Variants in CHRNE observed in about 807,000 individuals in gnomAD.
CHRNE encodes acetylcholine receptor subunit epsilon.
A neutral mutation model predicts 56.5 loss-of-function variants in CHRNE; 58 were observed. The observed-to-expected ratio is 1.03, with a 90% CI of 0.83 to 1.28. The LOEUF (loss-of-function observed/expected upper bound fraction) is 1.28, where lower values mean the gene tolerates loss of function less well. CHRNE is among the 50% of genes most tolerant of loss of function. The probability of loss-of-function intolerance (pLI) is 0.00; values close to 1 mark genes in which losing one functional copy is unlikely to be tolerated. For synonymous variants in CHRNE, 385 were observed against 297.9 expected, an observed-to-expected ratio of 1.29 and a Z score of -3.01; for missense variants, 793 against 688.9, an observed-to-expected ratio of 1.15 and a Z score of -1.69.
At position 4,901,159 on chromosome 17, in the gene CHRNE, C is replaced by T. The variant is rs770306808; in HGVS notation, c.633G>A (p.Pro211=). 1 of 1,609,316 alleles carries T rather than the reference C, an allele frequency of 6.2e-7. No homozygotes were observed. ...ENGEWAIDFC[P]GVIRRHHGGA... ...CACCGTGGTGGCGGCGGATCACCCC[C>T]GGGCAGAAGTCGATGGCCCACTCGC... is the stretch of plus-strand genomic sequence containing the variant. The change falls in exon 7 of 12, where the codon CCG becomes CCA. Residue 211 remains proline, a synonymous_variant. Coordinates refer to ENST00000649488, the MANE Select transcript of CHRNE (RefSeq NM_000080.4).
At chr17:4,907,635 A>C (rs1169041686), upstream of CHRNE, among the ~76,000 whole-genome samples, 2 of 151,030 alleles carry the variant, frequency 1.3e-5, no homozygotes, top group East Asian at 3.9e-4. Flanking sequence ...AAGTAGTTTC[A>C]CTCAGGTCTG....
At chr17:4,899,663 C>T (rs1567637220) in intron 8 of CHRNE, 81 bp from the exon 9 acceptor site, 3 of 1,445,012 alleles carry the variant, frequency 2.1e-6, no homozygotes, top group Non-Finnish European at 2.9e-6. Flanking sequence ...ACAAACACGG[C>T]TTCTCCTGGT....
At chr17:4,903,140 G>T, upstream of CHRNE, 2 of 1,455,572 alleles carry the variant, frequency 1.4e-6, no homozygotes, top group South Asian at 1.2e-5. Context: ...TGTGTGAGGG[G>T]GAGGAGGGTG....
In CHRNE at chr17:4,899,225, G is replaced by A. The variant is rs771486772; in HGVS notation, c.1192C>T (p.Gln398Ter). ...KPRSELVFEG[Q>*]RHRQGTWTAA... is the part of the protein sequence containing the mutation. ...GTCCAGGTCCCCTGCCGGTGCCTCT[G>A]CCCCTCAAACACGAGCTCGCTCCGT... Residue 398 changes from glutamine (Q) to a stop codon, truncating the protein, a stop_gained, in exon 10 of 12, where the codon CAG (glutamine) becomes TAG (stop). Coordinates refer to ENST00000649488, the MANE Select transcript of CHRNE (RefSeq NM_000080.4). LOFTEE classifies it high-confidence loss of function. 7 of 1,606,928 alleles carry A rather than the reference G, an allele frequency of 4.4e-6. No homozygotes were observed. Among genetic ancestry groups the A allele is most frequent in the South Asian group, 1.1e-5 (1 of 90,660 alleles).
At position 4,902,176 on chromosome 17, in the gene CHRNE, G is replaced by T; in HGVS notation, c.344+41C>A. On this transcript the variant is annotated intron_variant, in intron 4 of 11. Transcript: ENST00000649488. The surrounding 1 kb of genome is among the most constrained non-coding windows in gnomAD (Gnocchi z 4.0). The stretch of plus-strand genomic sequence containing the variant: ...CCAACCAAGTCCAGCCCGCACCCCA[G>T]GCCGGCTTCCCTCCAGCCTGGCGTC... 6.2e-7 allele frequency: 1 copy of T among 1,613,656 alleles called. No individual in the cohort carries two copies. The highest frequency in any genetic ancestry group is 8.5e-7 in the Non-Finnish European group (1 of 1,179,588).
Position 4,898,962 on chromosome 17 carries a change from CCT to C in CHRNE, c.1326+37_1326+38del, listed in dbSNP as rs753435292. On this transcript the variant is annotated intron_variant, in intron 11 of 11. Transcript: ENST00000649488. ...CAGCGGCATGGGAGACAGTGGTGGG[CCT>C]CTGCCTCGCTCCACCCGCCTCTGGC... is the stretch of plus-strand genomic sequence containing the variant. 3.9e-6 allele frequency: 5 copies of C among 1,271,832 alleles called. No homozygotes were observed. In the South Asian group the frequency reaches 1.3e-4, roughly 33 times the overall value. The allele number at this position is 1,271,832 out of a possible 1,614,324, so 78.8% of individuals were successfully genotyped here.
upstream of CHRNE, among the ~76,000 whole-genome samples, chr17:4,905,471 G>A (rs752925222): frequency 6.6e-6 from 1 of 151,918 alleles, no homozygotes; most frequent in African/African-American, 2.4e-5. Flanking sequence ...AGGCTGAGGC[G>A]GGAGGATTGC....
chr17:4,902,106 C>G lies in CHRNE; in HGVS notation c.345-19G>C, dbSNP rs201555272. On this transcript the variant is annotated intron_variant, in intron 4 of 11. Coordinates refer to ENST00000649488, the MANE Select transcript of CHRNE (RefSeq NM_000080.4). The surrounding 1 kb of genome is among the most constrained non-coding windows in gnomAD (Gnocchi z 4.0). ...ATCAATACTGTGGGCTCGGGGAAAC[C>G]GAGCTTTTTGCACAGGTCTGCACCC... 3 of 1,613,982 alleles carry G rather than the reference C, an allele frequency of 1.9e-6. No individual in the cohort carries two copies. In the Admixed American group the frequency reaches 5.0e-5, roughly 27 times the overall value.
Position 4,901,943 on chromosome 17 carries a change from C to A in CHRNE, c.489G>T (p.Ser163=). 1 of 1,606,880 alleles carries A rather than the reference C, an allele frequency of 6.2e-7. No individual in the cohort carries two copies. The stretch of plus-strand genomic sequence containing the variant: ...GTAGCTCTTCCCACCGGAAAATAAG[C>A]GAACAGTTCTGCCAATCGAAGGGGA... ...TYFPFDWQNC[S]LIFRSQTYNA... Residue 163 remains serine, a synonymous_variant, in exon 5 of 12, where the codon TCG becomes TCT. Coordinates refer to ENST00000649488, the MANE Select transcript of CHRNE (RefSeq NM_000080.4).
chr17:4,900,066 C>T, intron 8 of CHRNE: 1 of 1,551,186 alleles, frequency 6.4e-7, no homozygotes, highest in Non-Finnish European at 8.7e-7. Flanking sequence ...GGGATGCTGC[C>T]TGCCCCGAAG....
intron 1 of CHRNE, among the ~76,000 whole-genome samples, chr17:4,908,112 G>C (rs1353130319): frequency 6.6e-6 from 1 of 151,964 alleles, no homozygotes; most frequent in African/African-American, 2.4e-5. Context: ...CAGAGGTTGC[G>C]GTGAGCCTAG....
intron 11 of CHRNE, 50 bp downstream of exon 11, chr17:4,898,951 A>C: frequency 6.4e-7 from 1 of 1,562,728 alleles, no homozygotes; most frequent in Non-Finnish European, 8.7e-7. Flanking sequence ...GGCATGGGAG[A>C]CAGTGGTGGG....
chr17:4,908,561 T>C, intron 1 of CHRNE, among the ~76,000 whole-genome samples: 1 of 152,210 alleles, frequency 6.6e-6, no homozygotes, highest in East Asian at 1.9e-4. Flanking sequence ...CCTCGGGGGC[T>C]GAGACTTCCT....
rs1385171102 is a variant in CHRNE at position 4,900,625 on chromosome 17, TGAG to T, written c.917+165_917+167del. On this transcript the variant is annotated intron_variant, in intron 8 of 11. Transcript: ENST00000649488. ...ACCTCCAGGTGACGTCCAGCAGCAG[TGAG>T]GAGGACGGCGGACCAGGGACTCCAT... The T allele has an allele frequency of 4.7e-6, 7 of 1,501,504 alleles. No homozygotes were observed. The Admixed American group carries it at 9.9e-5, about 21-fold the overall frequency. 93.0% of individuals were successfully genotyped at this position (1,501,504 alleles called of 1,614,324 possible).
In CHRNE at chr17:4,901,675, C is replaced by T. The variant is rs566330502; in HGVS notation, c.501-50G>A. 9.7e-6 allele frequency: 15 copies of T among 1,540,334 alleles called. No individual in the cohort carries two copies. The East Asian group carries it at 2.0e-4, about 21-fold the overall frequency. On this transcript the variant is annotated intron_variant, in intron 5 of 11. Transcript: ENST00000649488. Reference sequence around the variant, plus strand: ...ACCCCAGAAGCTCTGACCTGGGCCCCGGCCTCAGGCCCAGCCCTGGAAGCT... The same window carrying T: ...ACCCCAGAAGCTCTGACCTGGGCCCTGGCCTCAGGCCCAGCCCTGGAAGCT...
At position 4,901,333 on chromosome 17, in the gene CHRNE, C is replaced by A. The variant is rs2151097597; in HGVS notation, c.602-143G>T. 1.3e-5 allele frequency: 13 copies of A among 1,010,040 alleles called. No homozygotes were observed. In the South Asian group the frequency reaches 1.8e-4, roughly 14 times the overall value. 62.6% of individuals were successfully genotyped at this position (1,010,040 alleles called of 1,614,324 possible). A position where few individuals can be genotyped will look rare whatever the true frequency, so the allele number is the denominator to read the frequency against. ...GCAATTACGGACAGAAAAGGGCATT[C>A]TCGTTGAGGGTATGGAAAGCCAGAA... On this transcript the variant is annotated intron_variant, in intron 6 of 11. Coordinates refer to ENST00000649488, the MANE Select transcript of CHRNE (RefSeq NM_000080.4).
rs1969717491 is a variant in CHRNE, at chr17:4,897,823, G to A, written c.*913C>T. On this transcript the variant is annotated 3_prime_UTR_variant, in exon 12 of 12. Coordinates refer to ENST00000649488, the MANE Select transcript of CHRNE (RefSeq NM_000080.4). ...CTTCCCCCAAACTCCAGGGAATGGAGGGGGGACCCCGCCAGCCAAAACATT... is the reference window on the plus strand; with the variant it reads ...CTTCCCCCAAACTCCAGGGAATGGAAGGGGGACCCCGCCAGCCAAAACATT... 1 of 152,542 alleles carries A rather than the reference G, an allele frequency of 6.6e-6. No homozygotes were observed. Among genetic ancestry groups the A allele is most frequent in the African/African-American group, 2.4e-5 (1 of 41,384 alleles). 9.4% of individuals were successfully genotyped at this position (152,542 alleles called of 1,614,324 possible).
At chr17:4,907,295 G>A (rs1214024848), upstream of CHRNE, among the ~76,000 whole-genome samples, 2 of 152,126 alleles carry the variant, frequency 1.3e-5, no homozygotes, top group Non-Finnish European at 2.9e-5. Context: ...CGGGCGCGGG[G>A]GCTCACGCCT....
chr17:4,900,144 A>T (rs1969928492), intron 8 of CHRNE: 1 of 1,549,866 alleles, frequency 6.5e-7, no homozygotes, highest in Non-Finnish European at 8.7e-7. Flanking sequence ...ACCTTGTTAG[A>T]GGTGGGGTAC....
Sources: allele counts gnomAD v4.1 joint callset (sites outside exome capture counted in the v4.1 genomes callset), GRCh38; gene constraint gnomAD v4.1.1; non-coding constraint Gnocchi (gnomAD v3.1); transcripts MANE v1.5; gene names NCBI Gene and HGNC (gene_info 2026-07-23, HGNC 2026-07-21).